COG6: variants seen among roughly 807,000 people sequenced by gnomAD.
The protein encoded by COG6 is component of oligomeric golgi complex 6, also known as conserved oligomeric Golgi complex subunit 6.
Under a neutral mutation model 88.8 loss-of-function variants are expected in COG6, and 74 were observed. The ratio of observed to expected loss-of-function variants is 0.83; its 90% CI spans 0.69 to 1.01. The LOEUF (loss-of-function observed/expected upper bound fraction) is 1.01, where lower values mean the gene tolerates loss of function less well. COG6 is among the 50% of genes least tolerant of loss of function. COG6 has a pLI of 0.00. For synonymous variants in COG6, 286 were observed against 278.7 expected (o/e 1.03, Z -0.26); for missense variants, 800 against 797.9 (o/e 1.00, Z -0.03).
intron 13 of COG6, among the ~76,000 whole-genome samples, chr13:39,700,190 T>G (rs1398797128): frequency 6.6e-6 from 1 of 151,874 alleles, no homozygotes; most frequent in African/African-American, 2.4e-5. Flanking sequence ...ATCAAATCCT[T>G]CTTTATTTTT....
chr13:39,657,081 A>G (rs890963593), intron 1 of COG6, among the ~76,000 whole-genome samples: 1 of 152,130 alleles, frequency 6.6e-6, no homozygotes, highest in African/African-American at 2.4e-5. Context: ...CCCAAGCTGG[A>G]GTGCAATGGG....
intron 18 of COG6, among the ~76,000 whole-genome samples, chr13:39,731,549 A>G (rs1879454862): frequency 6.6e-6 from 1 of 152,232 alleles, no homozygotes; most frequent in African/African-American, 2.4e-5. Context: ...ATCTTTGCTT[A>G]TTGAGTCACA....
chr13:39,655,821 G>A lies in COG6; in HGVS notation c.95G>A (p.Cys32Tyr), dbSNP rs576575818. Reference protein sequence around the residue: ...NGAGGTSATTCNPLSRKLHKI... With the variant: ...NGAGGTSATTYNPLSRKLHKI... ...GCAGGCGGGACCTCGGCGACGACCT[G>A]CAACCCGCTGTCGCGCAAGCTGCAT... is the stretch of plus-strand genomic sequence containing the variant. Residue 32 changes from cysteine to tyrosine, a missense_variant, in exon 1 of 19, where the codon TGC (cysteine) becomes TAC (tyrosine). Coordinates refer to ENST00000455146, the MANE Select transcript of COG6 (RefSeq NM_020751.3). The A allele has an allele frequency of 3.7e-6, 6 of 1,602,432 alleles. No individual in the cohort carries two copies. The highest frequency in any genetic ancestry group is 5.1e-6 in the Non-Finnish European group (6 of 1,175,362).
intron 8 of COG6, among the ~76,000 whole-genome samples, chr13:39,683,002 A>G (rs533582893): frequency 1.3e-5 from 2 of 152,194 alleles, no homozygotes; most frequent in South Asian, 2.1e-4. Context: ...GAATCTGTTT[A>G]TACTATTTTT....
At chr13:39,684,242 G>GTTTTTTTTTT (rs1593423136) in intron 8 of COG6, among the ~76,000 whole-genome samples, 11 of 44,790 alleles carry the variant, frequency 2.5e-4, no homozygotes, top group East Asian at 7.6e-4. Flanking sequence ...CAATTTGGAA[G>GTTTTTTTTTT]ATTTTTTTTT....
chr13:39,729,605 A>T (rs937360132), intron 18 of COG6, among the ~76,000 whole-genome samples: 41 of 152,328 alleles, frequency 2.7e-4, no homozygotes, highest in African/African-American at 9.9e-4. Context: ...CACAGAAGTA[A>T]TGGAAATGGC....
chr13:39,732,233 G>T (rs1163859330), intron 18 of COG6, among the ~76,000 whole-genome samples: 2 of 152,180 alleles, frequency 1.3e-5, no homozygotes, highest in Non-Finnish European at 2.9e-5. Context: ...AGCTAATTTA[G>T]ATTCATACTA....
chr13:39,691,121 ATAG>A (rs1876954689), intron 11 of COG6, among the ~76,000 whole-genome samples: 2 of 151,800 alleles, frequency 1.3e-5, no homozygotes, highest in African/African-American at 2.4e-5. Context: ...TTGTGGGTAC[ATAG>A]TAGGTGTATG....
At chr13:39,750,762 T>C (rs574538154) in intron 18 of COG6, among the ~76,000 whole-genome samples, 184 bp from the exon 19 acceptor site, 3 of 152,286 alleles carry the variant, frequency 2.0e-5, no homozygotes, top group Non-Finnish European at 2.9e-5. Context: ...AAATAATGAA[T>C]ACAAAATTAT....
chr13:39,666,948 T>G (rs934799106), intron 4 of COG6, among the ~76,000 whole-genome samples: 1 of 152,214 alleles, frequency 6.6e-6, no homozygotes, highest in Non-Finnish European at 1.5e-5. Context: ...AACATGTACC[T>G]TATCTTAGAC....
chr13:39,740,050 G>T (rs191725289), intron 18 of COG6, among the ~76,000 whole-genome samples: 1 of 151,964 alleles, frequency 6.6e-6, no homozygotes, highest in African/African-American at 2.4e-5. Context: ...GATAATATAC[G>T]TGGAAAATTA....
downstream of COG6, chr13:39,752,675 T>G (rs896880026): frequency 8.4e-7 from 1 of 1,188,384 alleles, no homozygotes; most frequent in South Asian, 1.6e-5. Flanking sequence ...TATATCCTAT[T>G]GATGTGTTTT....
intron 13 of COG6, among the ~76,000 whole-genome samples, chr13:39,713,301 C>T (rs944735166): frequency 6.6e-6 from 1 of 152,158 alleles, no homozygotes; most frequent in African/African-American, 2.4e-5. Context: ...CTCTAAATAA[C>T]AAAGCCCACT....
chr13:39,700,404 A>G (rs145621945), intron 13 of COG6, among the ~76,000 whole-genome samples: 15 of 151,986 alleles, frequency 9.9e-5, no homozygotes, highest in Non-Finnish European at 1.8e-4. Flanking sequence ...CTAAGCCTTA[A>G]TAGGAGTCTA....
intron 11 of COG6, among the ~76,000 whole-genome samples, chr13:39,694,123 G>A (rs553378271): frequency 2.0e-5 from 3 of 151,814 alleles, no homozygotes; most frequent in African/African-American, 7.2e-5. Flanking sequence ...TTTTTCCCTG[G>A]TAGTCTTATA....
chr13:39,667,676 C>G, intron 4 of COG6, among the ~76,000 whole-genome samples: 1 of 151,820 alleles, frequency 6.6e-6, no homozygotes, highest in Non-Finnish European at 1.5e-5. Flanking sequence ...GTGAATGACA[C>G]AAAGTATGGA....
At chr13:39,672,842 A>G (rs955389151) in intron 4 of COG6, among the ~76,000 whole-genome samples, 1 of 152,060 alleles carries the variant, frequency 6.6e-6, no homozygotes, top group African/African-American at 2.4e-5. Context: ...GAAGCTGCAC[A>G]GTTTTACATT....
rs769111696 is a variant in COG6 at position 39,655,863 on chromosome 13, G to C, written c.137G>C (p.Arg46Pro). The change falls in exon 1 of 19, where the codon CGG becomes CCG. Residue 46 changes from arginine to proline, a missense_variant. Transcript: ENST00000455146. ...SRKLHKILET[R>P]LDNDKEMLEA... ...AAGCTGCATAAGATCCTGGAGACGC[G>C]GCTGGACAACGACAAGGTAACCGGG... 1.9e-6 allele frequency: 3 copies of C among 1,607,314 alleles called. No individual in the cohort carries two copies. Among genetic ancestry groups the C allele is most frequent in the South Asian group, 1.1e-5 (1 of 90,232 alleles).
chr13:39,695,353 T>A (rs1191339828), intron 12 of COG6, among the ~76,000 whole-genome samples: 1 of 151,892 alleles, frequency 6.6e-6, no homozygotes, highest in Non-Finnish European at 1.5e-5. Flanking sequence ...TTGCTTTACT[T>A]ACGTGTTTTG....
Sources: gnomAD v4.1 joint callset for allele counts (sites outside exome capture counted in the v4.1 genomes callset) on GRCh38, gnomAD v4.1.1 for gene constraint, MANE v1.5 for transcripts, NCBI Gene and HGNC (gene_info 2026-07-23, HGNC 2026-07-21) for gene names.